CBFA2T2: variants seen among roughly 807,000 people sequenced by gnomAD.
CBFA2T2 encodes CBFA2/RUNX1 partner transcriptional co-repressor 2, also known as protein CBFA2T2.
Under a neutral mutation model 62.2 loss-of-function variants are expected in CBFA2T2, and 11 were observed. The ratio of observed to expected loss-of-function variants is 0.18; its 90% CI spans 0.11 to 0.29. The LOEUF (loss-of-function observed/expected upper bound fraction) is 0.29. Ranked by LOEUF, CBFA2T2 falls within the 10% of genes least tolerant of loss-of-function variation. The pLI, the probability that CBFA2T2 is intolerant of heterozygous loss-of-function variation, is 1.00. For missense variants in CBFA2T2, 592 were observed against 774.1 expected, an observed-to-expected ratio of 0.76 and a Z score of 2.79; for synonymous variants, 295 against 287.5, an observed-to-expected ratio of 1.03 and a Z score of -0.27.
chr20:33,527,134 A>G (rs2011910117), intron 1 of CBFA2T2, among the ~76,000 whole-genome samples: 1 of 152,180 alleles, frequency 6.6e-6, no homozygotes, highest in Admixed American at 6.6e-5. Context: ...TTTAAAAAGT[A>G]TTGTTCTTCT....
intron 1 of CBFA2T2, among the ~76,000 whole-genome samples, chr20:33,587,163 C>CA (rs2014403320): frequency 6.6e-6 from 1 of 152,120 alleles, no homozygotes; most frequent in Non-Finnish European, 1.5e-5. Context: ...AGGCTGTTCT[C>CA]AAACTCCTGA....
rs1000104269 is a variant in CBFA2T2, at chr20:33,625,011, A to C, written c.940A>C (p.Ser314Arg). 7.5e-6 allele frequency: 12 copies of C among 1,610,576 alleles called. No homozygotes were observed. The Admixed American group carries it at 1.0e-4, about 13-fold the overall frequency. ...TCGAGAAGTTCGTGATAGACACCACAGTCTTGGTAAGCAACCGAAGCAGCA... is the reference window on the plus strand; with the variant it reads ...TCGAGAAGTTCGTGATAGACACCACCGTCTTGGTAAGCAACCGAAGCAGCA... ...EHREVRDRHH[S>R]LGLNGGYQDE... The change falls in exon 6 of 11, where the codon AGT (serine) becomes CGT (arginine). Residue 314 changes from serine to arginine, a missense_variant. By Grantham distance (110) the Ser-to-Arg change is moderately radical. This residue lies in a region of CBFA2T2 where 449 missense variants were observed against 551.2 expected (regional missense o/e 0.81). Coordinates refer to ENST00000342704, the MANE Select transcript of CBFA2T2 (RefSeq NM_001032999.3).
chr20:33,529,941 C>G (rs549461282), intron 1 of CBFA2T2, among the ~76,000 whole-genome samples: 1 of 151,692 alleles, frequency 6.6e-6, no homozygotes, highest in Non-Finnish European at 1.5e-5. Context: ...TGCGCCATCA[C>G]ACCTGGATAA....
intron 2 of CBFA2T2, among the ~76,000 whole-genome samples, chr20:33,609,192 A>G (rs950784776): frequency 6.6e-6 from 1 of 152,182 alleles, no homozygotes; most frequent in Non-Finnish European, 1.5e-5. Context: ...TATTAAGGCA[A>G]CACAAATATA....
intron 1 of CBFA2T2, among the ~76,000 whole-genome samples, chr20:33,604,319 A>G (rs2015255452): frequency 6.6e-6 from 1 of 152,204 alleles, no homozygotes; most frequent in African/African-American, 2.4e-5. Context: ...ATCTTTAATC[A>G]TTACATGTTT....
intron 3 of CBFA2T2, among the ~76,000 whole-genome samples, chr20:33,613,145 A>G (rs993302550): frequency 2.0e-5 from 3 of 152,258 alleles, no homozygotes; most frequent in Non-Finnish European, 4.4e-5. Flanking sequence ...AATGCAATAT[A>G]TGACTTTTTC....
intron 1 of CBFA2T2, among the ~76,000 whole-genome samples, chr20:33,495,344 C>A (rs1415437378): frequency 6.7e-6 from 1 of 149,628 alleles, no homozygotes; most frequent in African/African-American, 2.5e-5. Context: ...TGAGATCCCA[C>A]CATTGCACTC....
At chr20:33,526,931 C>T (rs2011905175) in intron 1 of CBFA2T2, among the ~76,000 whole-genome samples, 1 of 151,792 alleles carries the variant, frequency 6.6e-6, no homozygotes, top group Non-Finnish European at 1.5e-5. Flanking sequence ...TACTCGGGTG[C>T]ATTTGAATGA....
chr20:33,562,314 C>A, intron 1 of CBFA2T2: 1 of 930,154 alleles, frequency 1.1e-6, no homozygotes, highest in Non-Finnish European at 1.3e-6. Context: ...TGGCAAAGAG[C>A]CCTGGTAACA....
At chr20:33,491,652 A>AT (rs1205819856) in intron 1 of CBFA2T2, among the ~76,000 whole-genome samples, 1 of 152,066 alleles carries the variant, frequency 6.6e-6, no homozygotes, top group Non-Finnish European at 1.5e-5. Context: ...AAAGAGGCGG[A>AT]TAGTGATTAC....
In CBFA2T2 at chr20:33,536,497, A is replaced by G. The variant is rs2012242270; in HGVS notation, c.34+46196A>G. On this transcript the variant is annotated intron_variant, in intron 1 of 10. Transcript: ENST00000342704. ...GGGCTGACCCCCACCTCCCTCCCGG[A>G]CGGGGTGGCTGCTGGGTGGAGACAC... Among the ~76,000 whole-genome samples, 3 of 146,204 alleles carry G rather than the reference A, an allele frequency of 2.1e-5. No homozygotes were observed. The South Asian group carries it at 6.7e-4, about 32-fold the overall frequency.
At chr20:33,512,588 A>G (rs557755483) in intron 1 of CBFA2T2, among the ~76,000 whole-genome samples, 62 of 152,136 alleles carry the variant, frequency 4.1e-4, no homozygotes, top group Non-Finnish European at 8.2e-4. Flanking sequence ...GTTAGTAATA[A>G]TAGTCCATTC....
chr20:33,628,491 A>G (rs2016333789), intron 7 of CBFA2T2, 56 bp downstream of exon 7: 1 of 1,236,048 alleles, frequency 8.1e-7, no homozygotes, highest in South Asian at 1.2e-5. Context: ...TTTTTGAAAC[A>G]GGAGTCTCGC....
intron 3 of CBFA2T2, among the ~76,000 whole-genome samples, chr20:33,618,092 A>G (rs1162751341): frequency 4.0e-5 from 6 of 150,392 alleles, no homozygotes; most frequent in African/African-American, 1.5e-4. Flanking sequence ...AATCTGCTCT[A>G]CCCCCTCCCT....
rs2015850108 is a variant in CBFA2T2, at chr20:33,619,465, AAGTTTTGGAAGTCC to A, written c.421-39_421-26del. On this transcript the variant is annotated intron_variant, in intron 3 of 10. Coordinates refer to ENST00000342704, the MANE Select transcript of CBFA2T2 (RefSeq NM_001032999.3). ...AAAAAAAAGAAGAGTTTGGCACTAT[AAGTTTTGGAAGTCC>A]AGTTTTGGAAGTTGAACAAGGTTAT... The A allele has an allele frequency of 6.2e-6, 6 of 972,680 alleles. No homozygotes were observed. In the African/African-American group the frequency reaches 8.5e-5, roughly 14 times the overall value. The allele number at this position is 972,680 out of a possible 1,614,324, so 60.3% of individuals were successfully genotyped here.
intron 1 of CBFA2T2, among the ~76,000 whole-genome samples, chr20:33,564,281 C>T (rs1234356360): frequency 2.1e-5 from 3 of 143,298 alleles, no homozygotes; most frequent in Admixed American, 7.1e-5. Flanking sequence ...TTTTTTTTTC[C>T]GAGATGGAGT....
chr20:33,564,911 A>G (rs2013240093), intron 1 of CBFA2T2, among the ~76,000 whole-genome samples: 1 of 151,714 alleles, frequency 6.6e-6, no homozygotes, highest in Admixed American at 6.6e-5. Context: ...ACTTTTCCCA[A>G]GTTTTCTTTT....
chr20:33,546,426 CT>C (rs151217037), intron 1 of CBFA2T2, among the ~76,000 whole-genome samples: 2,512 of 136,158 alleles, frequency 0.018, 55 homozygotes, highest in African/African-American at 0.059. Context: ...TCTGGATATA[CT>C]TTTTTTTTTT....
rs538177246 is a variant in CBFA2T2 at position 33,647,922 on chromosome 20, G to C, written c.*3276G>C. 6.6e-6 allele frequency: 1 copy of C among 152,262 alleles called. No individual in the cohort carries two copies. Among genetic ancestry groups the C allele is most frequent in the Non-Finnish European group, 1.5e-5 (1 of 68,056 alleles). 9.4% of individuals were successfully genotyped at this position (152,262 alleles called of 1,614,324 possible). On this transcript the variant is annotated 3_prime_UTR_variant, in exon 11 of 11. Coordinates refer to ENST00000342704, the MANE Select transcript of CBFA2T2 (RefSeq NM_001032999.3). Reference sequence around the variant, plus strand: ...CTGGTCAGTTTCACACAGAAGTCACGAGGGCCTCTGCCCAGGACCTTCTAT... The same window carrying C: ...CTGGTCAGTTTCACACAGAAGTCACCAGGGCCTCTGCCCAGGACCTTCTAT...
Sources: gnomAD v4.1 joint callset for allele counts (sites outside exome capture counted in the v4.1 genomes callset) on GRCh38, gnomAD v4.1.1 for gene constraint, gnomAD v4.1.1 regional missense constraint, MANE v1.5 for transcripts, NCBI Gene and HGNC (gene_info 2026-07-23, HGNC 2026-07-21) for gene names.